TEK: variants seen among roughly 807,000 people sequenced by gnomAD.
TEK encodes TEK receptor tyrosine kinase.
A neutral mutation model predicts 131.8 loss-of-function variants in TEK; 43 were observed. That is an observed-to-expected ratio of 0.33 (90% CI 0.26 to 0.42). TEK has a LOEUF of 0.42. Ranked by LOEUF, TEK falls within the 10% of genes least tolerant of loss-of-function variation. The pLI is 1.00. For synonymous variants in TEK, 580 were observed against 491.6 expected (o/e 1.18, Z -2.38); for missense variants, 1,162 against 1,384.4 (o/e 0.84, Z 2.55).
At chr9:27,111,622 C>G (rs1298620139) in intron 1 of TEK, among the ~76,000 whole-genome samples, 1 of 151,094 alleles carries the variant, frequency 6.6e-6, no homozygotes, top group African/African-American at 2.4e-5. Flanking sequence ...GGATGTGTAG[C>G]TCTCAGAAGC....
At chr9:27,199,845 C>T (rs1825156569) in intron 12 of TEK, among the ~76,000 whole-genome samples, 2 of 152,062 alleles carry the variant, frequency 1.3e-5, no homozygotes, top group South Asian at 2.1e-4. Flanking sequence ...GGCTTTTAAC[C>T]CACAGACACT....
At chr9:27,218,128 A>ATTTGGG (rs1825888594) in intron 19 of TEK, among the ~76,000 whole-genome samples, 1 of 30,886 alleles carries the variant, frequency 3.2e-5, no homozygotes, top group East Asian at 8.1e-3. Context: ...AAGGCCAGAC[A>ATTTGGG]GTGGCGGGGG....
chr9:27,189,254 C>T (rs1025797885), intron 9 of TEK, among the ~76,000 whole-genome samples: 4 of 152,054 alleles, frequency 2.6e-5, no homozygotes, highest in African/African-American at 4.8e-5. Context: ...CAGTCTTTGC[C>T]CTAATGGAAT....
chr9:27,199,126 G>A (rs1273463683), intron 12 of TEK, among the ~76,000 whole-genome samples: 1 of 152,140 alleles, frequency 6.6e-6, no homozygotes, highest in Non-Finnish European at 1.5e-5. Flanking sequence ...TAATATCTCT[G>A]AAAGTATACA....
At chr9:27,201,243 G>A (rs1564093882) in intron 12 of TEK, among the ~76,000 whole-genome samples, 1 of 151,860 alleles carries the variant, frequency 6.6e-6, no homozygotes, top group African/African-American at 2.4e-5. Flanking sequence ...GCATAAAATG[G>A]TAAGTTGGTA....
chr9:27,154,242 A>C (rs1265275412), intron 1 of TEK, among the ~76,000 whole-genome samples: 2 of 152,168 alleles, frequency 1.3e-5, no homozygotes, highest in African/African-American at 2.4e-5. Flanking sequence ...AGGTATACAC[A>C]TGCCATGGTG....
chr9:27,206,222 G>A (rs935367568), intron 14 of TEK, among the ~76,000 whole-genome samples: 1 of 152,202 alleles, frequency 6.6e-6, no homozygotes, highest in African/African-American at 2.4e-5. Context: ...CTCCAAGTTA[G>A]TTTCCAAACC....
chr9:27,194,768 G>A (rs1824946837), intron 11 of TEK, among the ~76,000 whole-genome samples: 1 of 152,068 alleles, frequency 6.6e-6, no homozygotes, highest in South Asian at 2.1e-4. Flanking sequence ...GATTATTGAA[G>A]GTTCTTCTTT....
At position 27,197,355 on chromosome 9, in the gene TEK, T is replaced by C; in HGVS notation, c.1665T>C (p.Ser555=). 6.2e-7 allele frequency: 1 copy of C among 1,614,112 alleles called. No individual in the cohort carries two copies. Among genetic ancestry groups the C allele is most frequent in the Non-Finnish European group, 8.5e-7 (1 of 1,179,990 alleles). ...PPRGLNLLPK[S]QTTLNLTWQP... ...GAGGTCTAAATCTCCTGCCTAAAAG[T>C]CAGACCACTCTAAATTTGACCTGGC... Residue 555 remains serine, a synonymous_variant, in exon 12 of 23, where the codon AGT becomes AGC. Transcript: ENST00000380036.
chr9:27,161,574 A>G (rs1564068439), intron 2 of TEK, among the ~76,000 whole-genome samples: 1 of 152,220 alleles, frequency 6.6e-6, no homozygotes, highest in Non-Finnish European at 1.5e-5. Context: ...ATTTATTACC[A>G]CTACGCTACC....
In TEK at chr9:27,229,624, A is replaced by G. The variant is rs1733187657; in HGVS notation, c.*392A>G. On this transcript the variant is annotated 3_prime_UTR_variant, in exon 23 of 23. Coordinates refer to ENST00000380036, the MANE Select transcript of TEK (RefSeq NM_000459.5). ...ATGTTTTCCTGTGTCAAAGTAAAAT[A>G]TTGTTAATAAACCTAACAATGACCC... 4.0e-6 allele frequency: 1 copy of G among 252,992 alleles called. No homozygotes were observed. Among genetic ancestry groups the G allele is most frequent in the African/African-American group, 2.2e-5 (1 of 45,336 alleles). 15.7% of individuals were successfully genotyped at this position (252,992 alleles called of 1,614,324 possible).
chr9:27,228,994 A>G (rs938947394), intron 22 of TEK, among the ~76,000 whole-genome samples, 164 bp from the exon 23 acceptor site: 1 of 152,218 alleles, frequency 6.6e-6, no homozygotes, highest in Non-Finnish European at 1.5e-5. Flanking sequence ...TTTTAGGAAG[A>G]AAGTCATCAA....
chr9:27,211,921 G>A (rs899077726), intron 16 of TEK, among the ~76,000 whole-genome samples: 9 of 150,146 alleles, frequency 6.0e-5, no homozygotes, highest in South Asian at 4.2e-4. Context: ...AAAAATTTTC[G>A]CAAGGGGATA....
intron 19 of TEK, among the ~76,000 whole-genome samples, chr9:27,218,129 GT>G (rs1825889724): frequency 1.7e-5 from 1 of 57,260 alleles, no homozygotes; most frequent in African/African-American, 1.2e-4. Context: ...AGGCCAGACA[GT>G]GGCGGGGGTC....
intron 1 of TEK, among the ~76,000 whole-genome samples, chr9:27,124,269 C>G (rs539558038): frequency 6.6e-6 from 1 of 152,320 alleles, no homozygotes; most frequent in Admixed American, 6.5e-5. Context: ...TTGGCTCATT[C>G]AAGGTTCAGC....
intron 20 of TEK, among the ~76,000 whole-genome samples, chr9:27,219,192 T>G (rs1202546741): frequency 6.6e-6 from 1 of 152,192 alleles, no homozygotes; most frequent in Non-Finnish European, 1.5e-5. Context: ...CCTAGTTTTA[T>G]CAATATTGCA....
rs141775672 is a variant in TEK, at chr9:27,124,056, G to A, written c.52+14414G>A. 3.4e-3 allele frequency among the ~76,000 whole-genome samples: 513 copies of A among 152,302 alleles called. 3 individuals are homozygous for A. Among genetic ancestry groups the A allele is most frequent in the African/African-American group, 0.012 (491 of 41,574 alleles). On this transcript the variant is annotated intron_variant, in intron 1 of 22. Transcript: ENST00000380036. Reference sequence around the variant, plus strand: ...CCTCCCAAAGTGCCGGGTGGGTGGCGTGAGCCACCGCAGCTGGCGAATTTC... The same window carrying A: ...CCTCCCAAAGTGCCGGGTGGGTGGCATGAGCCACCGCAGCTGGCGAATTTC...
intron 21 of TEK, 149 bp downstream of exon 21, chr9:27,220,294 TCA>T (rs1826010653): frequency 5.7e-6 from 4 of 703,080 alleles, no homozygotes; most frequent in Non-Finnish European, 1.0e-5. Flanking sequence ...CCCCTTTTAT[TCA>T]CCTAATACTG....
intron 12 of TEK, 113 bp downstream of exon 12, chr9:27,197,712 G>C: frequency 7.3e-7 from 1 of 1,370,696 alleles, no homozygotes; most frequent in South Asian, 1.2e-5. Flanking sequence ...AGTTAGTTGT[G>C]AGAGAAGGCT....
Sources: allele counts gnomAD v4.1 joint callset (sites outside exome capture counted in the v4.1 genomes callset), GRCh38; gene constraint gnomAD v4.1.1; transcripts MANE v1.5; gene names NCBI Gene and HGNC (gene_info 2026-07-23, HGNC 2026-07-21).